The following FYB1 variants were observed in gnomAD, a reference collection of about 807,000 sequenced individuals.
FYB1 encodes FYN-binding protein 1.
In FYB1, 41 loss-of-function variants were observed where a neutral mutation model predicts 94.1. The observed-to-expected ratio is 0.44, with a 90% CI of 0.34 to 0.57. FYB1 has a LOEUF of 0.57. FYB1 is among the 20% of genes least tolerant of loss of function. FYB1 has a pLI of 0.02. For missense variants in FYB1, 1,050 were observed against 976.8 expected (o/e 1.07, Z -1.00); for synonymous variants, 367 against 353.2 (o/e 1.04, Z -0.44).
rs1338979464 is a variant in FYB1 at position 39,201,843 on chromosome 5, T to C, written c.1118A>G (p.Lys373Arg). ...GAACTCACTGTTTCCAGAAGAGGTT[T>C]TGTGGAATTTCGTCAGGTCAACATT... is the stretch of plus-strand genomic sequence containing the variant. Reference protein sequence around the residue: ...PPNVDLTKFHKTSSGNSTSKG... With the variant: ...PPNVDLTKFHRTSSGNSTSKG... Residue 373 changes from lysine to arginine, a missense_variant, in exon 2 of 19, where the codon AAA (lysine) becomes AGA (arginine). Transcript: ENST00000512982. 3.1e-6 allele frequency: 5 copies of C among 1,612,420 alleles called. No homozygotes were observed. Among genetic ancestry groups the C allele is most frequent in the Non-Finnish European group, 3.4e-6 (4 of 1,178,904 alleles).
intron 17 of FYB1, among the ~76,000 whole-genome samples, chr5:39,109,968 C>A (rs995116977): frequency 6.6e-6 from 1 of 152,074 alleles, no homozygotes; most frequent in Non-Finnish European, 1.5e-5. Context: ...GATATTAGCA[C>A]CTACTATGAA....
At chr5:39,233,908 T>C (rs1044237566) in intron 1 of FYB1, among the ~76,000 whole-genome samples, 1 of 152,120 alleles carries the variant, frequency 6.6e-6, no homozygotes. Context: ...AGTAGTATTA[T>C]TGTGTAGGTA....
At chr5:39,273,081 G>A (rs261751) in intron 1 of FYB1, among the ~76,000 whole-genome samples, 124,180 of 152,122 alleles carry the variant, frequency 0.82, 52,763 homozygotes, top group Non-Finnish European at 0.93. Flanking sequence ...GCTTCTGCCC[G>A]GCCGCCCCTT....
At chr5:39,145,791 A>C (rs1225684871) in intron 3 of FYB1, among the ~76,000 whole-genome samples, 1 of 151,890 alleles carries the variant, frequency 6.6e-6, no homozygotes, top group South Asian at 2.1e-4. Context: ...GTAAACTCAC[A>C]TGCTGTCTGA....
chr5:39,112,220 A>T (rs1739135786), intron 16 of FYB1, among the ~76,000 whole-genome samples: 1 of 152,032 alleles, frequency 6.6e-6, no homozygotes. Flanking sequence ...AGTTTTCTAC[A>T]GATAGTAATA....
At chr5:39,226,398 TAAA>T (rs66997439) in intron 1 of FYB1, among the ~76,000 whole-genome samples, 121,122 of 151,104 alleles carry the variant, frequency 0.8, 48,632 homozygotes, top group South Asian at 0.84. Flanking sequence ...TCCAAACCTT[TAAA>T]AAAAAAAAAA....
intron 3 of FYB1, among the ~76,000 whole-genome samples, chr5:39,150,286 T>A (rs1462069531): frequency 6.6e-6 from 1 of 152,196 alleles, no homozygotes; most frequent in Non-Finnish European, 1.5e-5. Flanking sequence ...TCTGTTTTAA[T>A]CTTTACAGGA....
chr5:39,180,858 T>A (rs1396163119), intron 2 of FYB1, among the ~76,000 whole-genome samples: 1 of 152,198 alleles, frequency 6.6e-6, no homozygotes, highest in Non-Finnish European at 1.5e-5. Context: ...CAGGCTATAT[T>A]ACCACCGTAC....
chr5:39,231,147 CAA>C (rs747268330), intron 1 of FYB1, among the ~76,000 whole-genome samples: 1,811 of 40,932 alleles, frequency 0.044, 56 homozygotes, highest in South Asian at 0.18. Flanking sequence ...CAGCTCAGAG[CAA>C]AAAAAAAAAA....
intron 4 of FYB1, 138 bp from the exon 5 acceptor site, chr5:39,139,390 T>G (rs147840938): frequency 9.4e-6 from 7 of 748,508 alleles, no homozygotes; most frequent in Non-Finnish European, 1.3e-5. Context: ...GATACAGAAA[T>G]AGAAAATCAA....
chr5:39,134,118 T>G, intron 9 of FYB1, 90 bp downstream of exon 9: 1 of 949,398 alleles, frequency 1.1e-6, no homozygotes, highest in Non-Finnish European at 1.6e-6. Flanking sequence ...GCAGTAGGAG[T>G]TATGGAGGGT....
At chr5:39,134,177 G>T (rs1332261080) in intron 9 of FYB1, 31 bp downstream of exon 9, 10 of 1,509,792 alleles carry the variant, frequency 6.6e-6, no homozygotes, top group African/African-American at 1.4e-5. Context: ...GAGACAGTTT[G>T]ATCTGTTCTA....
intron 16 of FYB1, among the ~76,000 whole-genome samples, chr5:39,117,724 C>T (rs190142171): frequency 6.6e-6 from 1 of 152,168 alleles, no homozygotes; most frequent in Admixed American, 6.5e-5. Context: ...ACTTAGAGTC[C>T]ATGTTTTCCA....
chr5:39,119,404 T>A (rs893947067), intron 15 of FYB1, 131 bp downstream of exon 15: 5 of 597,754 alleles, frequency 8.4e-6, no homozygotes, highest in Admixed American at 3.8e-5. Flanking sequence ...TATTGATAAT[T>A]ACACTTTAAA....
chr5:39,201,998 T>A lies in FYB1; in HGVS notation c.963A>T (p.Thr321=), dbSNP rs1233547237. 2.5e-6 allele frequency: 4 copies of A among 1,614,048 alleles called. No individual in the cohort carries two copies. The highest frequency in any genetic ancestry group is 1.6e-4 in the Middle Eastern group (1 of 6,062). ...ARFPKAPSKL[T]VGGPWGQSQE... ...GACTTTGGCCCCATGGCCCCCCCAC[T>A]GTCAGCTTAGAAGGGGCCTTAGGGA... Residue 321 remains threonine, a synonymous_variant, in exon 2 of 19, where the codon ACA becomes ACT. Transcript: ENST00000512982.
At chr5:39,258,039 C>T (rs1217736069) in intron 1 of FYB1, among the ~76,000 whole-genome samples, 1 of 152,122 alleles carries the variant, frequency 6.6e-6, no homozygotes, top group African/African-American at 2.4e-5. Context: ...CTGGGCCCCA[C>T]CTCCTTTCTT....
chr5:39,126,569 C>T (rs1352741700), intron 11 of FYB1, among the ~76,000 whole-genome samples: 50 of 151,538 alleles, frequency 3.3e-4, no homozygotes, highest in Non-Finnish European at 4.4e-5. Context: ...TGGTGGTGCA[C>T]ACCTGTGGTC....
intron 2 of FYB1, among the ~76,000 whole-genome samples, chr5:39,158,918 G>T (rs1489755264): frequency 1.3e-5 from 2 of 152,082 alleles, no homozygotes; most frequent in African/African-American, 4.8e-5. Context: ...AGAAAACTTT[G>T]ATTTTATCTC....
In FYB1 at chr5:39,152,131, C is replaced by A. The variant is rs952296920; in HGVS notation, c.1292+1317G>T. ...GCTGGATATCATGGAGGATTAGAGG[C>A]TTTAAACTGACATCCATAAATTCAA... On this transcript the variant is annotated intron_variant, in intron 3 of 18. Transcript: ENST00000512982. Among the ~76,000 whole-genome samples, 34 of 152,182 alleles carry A rather than the reference C, an allele frequency of 2.2e-4. 1 individual carries two copies. The highest frequency in any genetic ancestry group is 3.3e-4 in the Admixed American group (5 of 15,286).
Sources: allele counts gnomAD v4.1 joint callset (sites outside exome capture counted in the v4.1 genomes callset), GRCh38; gene constraint gnomAD v4.1.1; transcripts MANE v1.5; gene names NCBI Gene and HGNC (gene_info 2026-07-23, HGNC 2026-07-21).